GTF2H3: variants seen among roughly 807,000 people sequenced by gnomAD.
GTF2H3 encodes general transcription factor IIH subunit 3.
GTF2H3 carries 42 observed loss-of-function variants against 51.1 expected under a neutral mutation model. That is an observed-to-expected ratio of 0.82 (90% CI 0.64 to 1.06). The LOEUF is 1.06. Ranked by LOEUF, GTF2H3 falls within the 50% of genes least tolerant of loss-of-function variation. The pLI, the probability that GTF2H3 is intolerant of heterozygous loss-of-function variation, is 0.00. For missense variants in GTF2H3, 326 were observed against 366.1 expected, an observed-to-expected ratio of 0.89 and a Z score of 0.89; for synonymous variants, 123 against 123.8, an observed-to-expected ratio of 0.99 and a Z score of 0.04.
At position 123,647,996 on chromosome 12, in the gene GTF2H3, T is replaced by C; in HGVS notation, c.234T>C (p.Leu78=). 1 of 1,613,876 alleles carries C rather than the reference T, an allele frequency of 6.2e-7. No individual in the cohort carries two copies. The highest frequency in any genetic ancestry group is 8.5e-7 in the Non-Finnish European group (1 of 1,179,874). The stretch of plus-strand genomic sequence containing the variant: ...TATATCCTGGAAAGAATGGCAGACT[T>C]GGAGACTTCTTCGGAGACCCTGGCA... ...RFLYPGKNGR[L]GDFFGDPGNP... The change falls in exon 4 of 13, where the codon CTT becomes CTC. Residue 78 remains leucine (L), a synonymous_variant. Transcript: ENST00000543341.
rs990165460 is a variant in GTF2H3 at position 123,653,559 on chromosome 12, G to C, written c.486+824G>C. Among the ~76,000 whole-genome samples, 3 of 151,704 alleles carry C rather than the reference G, an allele frequency of 2.0e-5. No homozygotes were observed. In the East Asian group the frequency reaches 5.8e-4, roughly 29 times the overall value. On this transcript the variant is annotated intron_variant, in intron 7 of 12. Transcript: ENST00000543341. ...AGCTACTCGGGAGGCTGAGGCAGGA[G>C]AATGGCGTGAACCCAGGAGGCAGAG...
intron 7 of GTF2H3, among the ~76,000 whole-genome samples, 194 bp downstream of exon 7, chr12:123,652,929 T>C (rs554668811): frequency 6.6e-6 from 1 of 151,674 alleles, no homozygotes; most frequent in African/African-American, 2.4e-5. Context: ...AATACAAAAA[T>C]TAGCTGGGCG....
At chr12:123,653,718 T>TGGCA (rs1303768921) in intron 7 of GTF2H3, among the ~76,000 whole-genome samples, 1 of 152,018 alleles carries the variant, frequency 6.6e-6, no homozygotes, top group Non-Finnish European at 1.5e-5. Context: ...ATGAAAAAGC[T>TGGCA]GGCAGTTCCC....
At chr12:123,643,902 C>T (rs1955412393) in intron 2 of GTF2H3, among the ~76,000 whole-genome samples, 1 of 152,162 alleles carries the variant, frequency 6.6e-6, no homozygotes, top group South Asian at 2.1e-4. Context: ...ACGATCTCAG[C>T]TCACTGCAGC....
chr12:123,634,049 A>C (rs570678818), intron 1 of GTF2H3, among the ~76,000 whole-genome samples, 177 bp downstream of exon 1: 1 of 152,318 alleles, frequency 6.6e-6, no homozygotes, highest in African/African-American at 2.4e-5. Context: ...TCCTGTGTAC[A>C]GGCATTATTT....
intron 2 of GTF2H3, among the ~76,000 whole-genome samples, chr12:123,641,592 G>A (rs939924190): frequency 2.0e-5 from 3 of 149,404 alleles, no homozygotes; most frequent in Middle Eastern, 3.2e-3. Context: ...CTGGATAGCA[G>A]TGCTAGGATT....
Position 123,645,534 on chromosome 12 carries a change from C to A in GTF2H3, c.173C>A (p.Ala58Asp). Reference sequence around the variant, plus strand: ...TTCATGAATCGTTCCAACAAACTTGCTGTGATAGCAAGTCACATTCAAGAA... The same window carrying A: ...TTCATGAATCGTTCCAACAAACTTGATGTGATAGCAAGTCACATTCAAGAA... ...HLFMNRSNKL[A>D]VIASHIQESR... The change falls in exon 3 of 13, where the codon GCT becomes GAT. Residue 58 changes from alanine to aspartate, a missense_variant. Transcript: ENST00000543341. 6.3e-7 allele frequency: 1 copy of A among 1,597,726 alleles called. No homozygotes were observed. Among genetic ancestry groups the A allele is most frequent in the East Asian group, 2.2e-5 (1 of 44,776 alleles).
intron 3 of GTF2H3, among the ~76,000 whole-genome samples, chr12:123,647,282 C>G (rs1955461165): frequency 6.6e-6 from 1 of 151,862 alleles, no homozygotes; most frequent in East Asian, 1.9e-4. Flanking sequence ...TACATAGCAG[C>G]CAACATAGTG....
In GTF2H3 at chr12:123,645,566, G is replaced by A. The variant is rs751327361; in HGVS notation, c.200+5G>A. On this transcript the variant is annotated splice_donor_5th_base_variant and intron_variant, in intron 3 of 12. Transcript: ENST00000543341. ...AGCAAGTCACATTCAAGAAAGGTAT[G>A]ACCATTGTGATTGCTTTTGCTCTTC... is the stretch of plus-strand genomic sequence containing the variant. 1 of 1,465,276 alleles carries A rather than the reference G, an allele frequency of 6.8e-7. No individual in the cohort carries two copies. Among genetic ancestry groups the A allele is most frequent in the South Asian group, 1.1e-5 (1 of 87,810 alleles). The allele number at this position is 1,465,276 out of a possible 1,614,324, so 90.8% of individuals were successfully genotyped here.
chr12:123,644,934 G>A (rs1411175499), intron 2 of GTF2H3, among the ~76,000 whole-genome samples: 1 of 152,158 alleles, frequency 6.6e-6, no homozygotes, highest in African/African-American at 2.4e-5. Context: ...GTGGAATATT[G>A]TACTGATGTA....
chr12:123,640,169 T>C (rs1303432141), intron 2 of GTF2H3, among the ~76,000 whole-genome samples: 1 of 152,108 alleles, frequency 6.6e-6, no homozygotes. Context: ...TGATTCTTCA[T>C]GTTTGTTCGT....
chr12:123,636,378 C>T (rs2135775209), intron 1 of GTF2H3, among the ~76,000 whole-genome samples: 1 of 152,258 alleles, frequency 6.6e-6, no homozygotes, highest in East Asian at 1.9e-4. Flanking sequence ...GATTTGAATA[C>T]ACAGAAATCA....
intron 1 of GTF2H3, among the ~76,000 whole-genome samples, chr12:123,638,685 A>G (rs919559969): frequency 6.6e-6 from 1 of 152,144 alleles, no homozygotes; most frequent in African/African-American, 2.4e-5. Flanking sequence ...GCAGTGAACA[A>G]AAGAGACAAA....
At chr12:123,634,678 T>C (rs1211137051) in intron 1 of GTF2H3, among the ~76,000 whole-genome samples, 1 of 152,096 alleles carries the variant, frequency 6.6e-6, no homozygotes, top group African/African-American at 2.4e-5. Flanking sequence ...CAAGTTACAC[T>C]GAGAAGGGAG....
At chr12:123,653,535 G>A (rs1049104955) in intron 7 of GTF2H3, among the ~76,000 whole-genome samples, 1 of 151,876 alleles carries the variant, frequency 6.6e-6, no homozygotes, top group African/African-American at 2.4e-5. Flanking sequence ...TGTAGTCCCA[G>A]CTACTCGGGA....
At chr12:123,638,683 C>T (rs1955322481) in intron 1 of GTF2H3, among the ~76,000 whole-genome samples, 1 of 149,184 alleles carries the variant, frequency 6.7e-6, no homozygotes, top group Non-Finnish European at 1.5e-5. Flanking sequence ...AAGCAGTGAA[C>T]AAAAGAGACA....
intron 2 of GTF2H3, among the ~76,000 whole-genome samples, chr12:123,643,530 A>G (rs59279556): frequency 0.048 from 7,315 of 152,284 alleles, 306 homozygotes; most frequent in African/African-American, 0.11. Context: ...TCTTTTGTCA[A>G]TATGAGGCAA....
At chr12:123,633,959 G>A in intron 1 of GTF2H3, 87 bp downstream of exon 1, 1 of 1,416,490 alleles carries the variant, frequency 7.1e-7, no homozygotes, top group Non-Finnish European at 1.0e-6. Flanking sequence ...GTGTCTTTTG[G>A]GCTGGATAGA....
chr12:123,637,276 A>G (rs1253855973), intron 1 of GTF2H3, among the ~76,000 whole-genome samples: 1 of 151,978 alleles, frequency 6.6e-6, no homozygotes. Flanking sequence ...TGGTGCGTGC[A>G]TGTAGTCCTT....
Sources: allele counts gnomAD v4.1 joint callset (sites outside exome capture counted in the v4.1 genomes callset), GRCh38; gene constraint gnomAD v4.1.1; transcripts MANE v1.5; gene names NCBI Gene and HGNC (gene_info 2026-07-23, HGNC 2026-07-21).